Variants in ARRDC1 observed in about 807,000 individuals in gnomAD.
The protein encoded by ARRDC1 is arrestin domain containing 1.
ARRDC1 carries 37 observed loss-of-function variants against 40.1 expected under a neutral mutation model. The observed-to-expected ratio is 0.92, with a 90% CI of 0.71 to 1.21. The LOEUF is 1.21. Ranked by LOEUF, ARRDC1 falls within the 50% of genes most tolerant of loss-of-function variation. The pLI, the probability that ARRDC1 is intolerant of heterozygous loss-of-function variation, is 0.00. For synonymous variants in ARRDC1, 310 were observed against 262.5 expected, an observed-to-expected ratio of 1.18 and a Z score of -1.75; for missense variants, 641 against 581.9, an observed-to-expected ratio of 1.10 and a Z score of -1.04.
At chr9:137,613,876 G>C in intron 4 of ARRDC1, 107 bp downstream of exon 4, 1 of 1,540,138 alleles carries the variant, frequency 6.5e-7, no homozygotes, top group East Asian at 2.3e-5. Context: ...CAGCTGAGGT[G>C]AGGGGGGCCA....
chr9:137,607,523 C>G (rs1842444510), intron 1 of ARRDC1, among the ~76,000 whole-genome samples: 1 of 152,194 alleles, frequency 6.6e-6, no homozygotes, highest in Admixed American at 6.5e-5. Context: ...GGCTGGGGTT[C>G]AGGCAGGACC....
intron 1 of ARRDC1, 176 bp from the exon 2 acceptor site, chr9:137,612,720 C>G (rs1842553992): frequency 1.7e-6 from 1 of 582,422 alleles, no homozygotes; most frequent in Non-Finnish European, 3.1e-6. Flanking sequence ...TTGGAGCCCC[C>G]CAAGACAGGA....
At chr9:137,609,060 G>C (rs191511627) in intron 1 of ARRDC1, among the ~76,000 whole-genome samples, 1 of 152,274 alleles carries the variant, frequency 6.6e-6, no homozygotes, top group East Asian at 1.9e-4. Flanking sequence ...AGTGGCGTGT[G>C]AGGCTCCCGG....
At chr9:137,610,179 C>T (rs1022872741) in intron 1 of ARRDC1, among the ~76,000 whole-genome samples, 1 of 152,132 alleles carries the variant, frequency 6.6e-6, no homozygotes, top group South Asian at 2.1e-4. Context: ...GTAAAAGTCG[C>T]GGTCACCTCA....
Position 137,614,664 on chromosome 9 carries a change from C to T in ARRDC1, c.901C>T (p.Pro301Ser), listed in dbSNP as rs992452383. Residue 301 changes from proline to serine, a missense_variant, in exon 7 of 8, where the codon CCT (proline) becomes TCT (serine). By Grantham distance (74) the Pro-to-Ser change is moderately conservative. Coordinates refer to ENST00000371421, the MANE Select transcript of ARRDC1 (RefSeq NM_152285.4). ...VSPRPGLGLP[P>S]GAPPLVVPSA... is the part of the protein sequence containing the mutation. ...CCCCCGGCCAGGCCTGGGGCTGCCT[C>T]CTGGGGCCCCACCCCTGGTGGTGCC... is the stretch of plus-strand genomic sequence containing the variant. 3.7e-6 allele frequency: 6 copies of T among 1,612,628 alleles called. No individual in the cohort carries two copies. The highest frequency in any genetic ancestry group is 1.7e-5 in the Admixed American group (1 of 59,958).
At chr9:137,611,393 AC>A (rs1478852419) in intron 1 of ARRDC1, 2 of 152,196 alleles carry the variant, frequency 1.3e-5, no homozygotes, top group African/African-American at 4.8e-5. Flanking sequence ...TATAAGAAAA[AC>A]AAAAAACAAA....
At chr9:137,606,748 C>T (rs1195254940) in intron 1 of ARRDC1, among the ~76,000 whole-genome samples, 1 of 152,188 alleles carries the variant, frequency 6.6e-6, no homozygotes, top group East Asian at 1.9e-4. Context: ...CTCCCTTCCT[C>T]TGTCCCAACC....
chr9:137,610,102 T>C (rs997525829), intron 1 of ARRDC1, among the ~76,000 whole-genome samples: 3 of 152,094 alleles, frequency 2.0e-5, no homozygotes, highest in Admixed American at 1.3e-4. Context: ...GCTGAGCCAC[T>C]GCGCCCGGCC....
chr9:137,612,776 G>C (rs961013070), intron 1 of ARRDC1, 120 bp from the exon 2 acceptor site: 2 of 696,672 alleles, frequency 2.9e-6, no homozygotes, highest in Non-Finnish European at 5.0e-6. Context: ...TTGCTCACTG[G>C]CCTTCCCAGG....
In ARRDC1 at chr9:137,614,423, C is replaced by T. The variant is rs748641674; in HGVS notation, c.743C>T (p.Pro248Leu). ...WHEQILVPAL[P>L]QSALPGCSLI... ...GAGCAGATCCTGGTGCCTGCCTTGCCCCAGTCGGCCCTGCCGGGCTGCAGC... is the reference window on the plus strand; with the variant it reads ...GAGCAGATCCTGGTGCCTGCCTTGCTCCAGTCGGCCCTGCCGGGCTGCAGC... Residue 248 changes from proline (P) to leucine (L), a missense_variant, in exon 6 of 8, where the codon CCC (proline) becomes CTC (leucine). Pro to Leu is a moderately conservative substitution (Grantham distance 98, BLOSUM62 -3). Coordinates refer to ENST00000371421, the MANE Select transcript of ARRDC1 (RefSeq NM_152285.4). 3.7e-6 allele frequency: 6 copies of T among 1,613,192 alleles called. No individual in the cohort carries two copies. Among genetic ancestry groups the T allele is most frequent in the Non-Finnish European group, 5.1e-6 (6 of 1,179,960 alleles).
chr9:137,610,273 G>T (rs762212500), intron 1 of ARRDC1, among the ~76,000 whole-genome samples: 2 of 152,182 alleles, frequency 1.3e-5, no homozygotes, highest in Admixed American at 1.3e-4. Context: ...GGACAGTGAG[G>T]GCAGGGTTAA....
intron 1 of ARRDC1, among the ~76,000 whole-genome samples, chr9:137,607,785 T>G (rs902317794): frequency 6.6e-6 from 1 of 151,746 alleles, no homozygotes; most frequent in Non-Finnish European, 1.5e-5. Context: ...AGTGGGTGGG[T>G]CTTCATGGTC....
intron 1 of ARRDC1, among the ~76,000 whole-genome samples, chr9:137,606,989 C>T (rs1055000560): frequency 1.3e-5 from 2 of 151,998 alleles, no homozygotes; most frequent in African/African-American, 4.8e-5. Context: ...GCAGGCTCCC[C>T]TGGCCTCCGG....
chr9:137,608,154 T>C (rs955455113), intron 1 of ARRDC1, among the ~76,000 whole-genome samples: 1 of 151,988 alleles, frequency 6.6e-6, no homozygotes, highest in African/African-American at 2.4e-5. Context: ...GGCTAATTTG[T>C]GTATTTTTAG....
chr9:137,613,715 C>G lies in ARRDC1; in HGVS notation c.381C>G (p.Ser127Arg). Residue 127 changes from serine to arginine, a missense_variant, in exon 4 of 8, where the codon AGC becomes AGG. Coordinates refer to ENST00000371421, the MANE Select transcript of ARRDC1 (RefSeq NM_152285.4). Reference sequence around the variant, plus strand: ...GGTTTTCCAAGGATCACAAGTGCAGCCTCGTGTTCTATATCTTGAGCCCCT... The same window carrying G: ...GGTTTTCCAAGGATCACAAGTGCAGGCTCGTGTTCTATATCTTGAGCCCCT... Reference protein sequence around the residue: ...TPRFSKDHKCSLVFYILSPLN... With the variant: ...TPRFSKDHKCRLVFYILSPLN... 6.2e-7 allele frequency: 1 copy of G among 1,614,270 alleles called. No homozygotes were observed. The highest frequency in any genetic ancestry group is 8.5e-7 in the Non-Finnish European group (1 of 1,180,048).
intron 1 of ARRDC1, among the ~76,000 whole-genome samples, chr9:137,610,859 G>T (rs1179441576): frequency 6.6e-6 from 1 of 151,678 alleles, no homozygotes; most frequent in Non-Finnish European, 1.5e-5. Flanking sequence ...CACCGTGCCC[G>T]GCCTTTTTTG....
chr9:137,614,397 C>T lies in ARRDC1; in HGVS notation c.717C>T (p.His239=), dbSNP rs751441429. The T allele has an allele frequency of 6.8e-6, 11 of 1,613,110 alleles. No individual in the cohort carries two copies. The highest frequency in any genetic ancestry group is 2.2e-5 in the East Asian group (1 of 44,860). ...AGGCCTGGCGGCGGGCGCAGTGGCA[C>T]GAGCAGATCCTGGTGCCTGCCTTGC... ...GVKAWRRAQW[H]EQILVPALPQ... Residue 239 remains histidine (H), a synonymous_variant, in exon 6 of 8, where the codon CAC becomes CAT. Coordinates refer to ENST00000371421, the MANE Select transcript of ARRDC1 (RefSeq NM_152285.4).
chr9:137,614,820 C>A lies in ARRDC1; in HGVS notation c.1057C>A (p.Pro353Thr). 6.2e-7 allele frequency: 1 copy of A among 1,613,186 alleles called. No homozygotes were observed. The highest frequency in any genetic ancestry group is 8.5e-7 in the Non-Finnish European group (1 of 1,179,882). ...QPLLATLSSVPGAPEPCPQDG... is the reference protein window; with the variant it reads ...QPLLATLSSVTGAPEPCPQDG... ...CCTGCTGGCCACCTTGAGTTCTGTG[C>A]CTGGTGCGCCGGAGCCCTGCCCTCA... The change falls in exon 7 of 8, where the codon CCT becomes ACT. Residue 353 changes from proline (P) to threonine (T), a missense_variant. By Grantham distance (38) the Pro-to-Thr change is conservative. Coordinates refer to ENST00000371421, the MANE Select transcript of ARRDC1 (RefSeq NM_152285.4).
chr9:137,605,837 T>C lies in ARRDC1; in HGVS notation c.118+2T>C. ...TGGGGGCACCGCTGCCGTTCCGAGG[T>C]GGGCGCGGGTCCTCGGGGAGGGCCT... On this transcript the variant is annotated splice_donor_variant, in intron 1 of 7. Transcript: ENST00000371421. LOFTEE classifies it high-confidence loss of function. The C allele has an allele frequency of 8.0e-7, 1 of 1,247,520 alleles. No homozygotes were observed. Among genetic ancestry groups the C allele is most frequent in the Non-Finnish European group, 1.0e-6 (1 of 994,014 alleles). 77.3% of individuals were successfully genotyped at this position (1,247,520 alleles called of 1,614,324 possible).
Sources: gnomAD v4.1 joint callset for allele counts (sites outside exome capture counted in the v4.1 genomes callset) on GRCh38, gnomAD v4.1.1 for gene constraint, MANE v1.5 for transcripts, NCBI Gene and HGNC (gene_info 2026-07-23, HGNC 2026-07-21) for gene names.